The following N4BP2L2 variants were observed in gnomAD, a reference collection of about 807,000 sequenced individuals.
N4BP2L2 encodes the protein NEDD4 binding protein 2 like 2.
Under a neutral mutation model 56.2 loss-of-function variants are expected in N4BP2L2, and 50 were observed. That is an observed-to-expected ratio of 0.89 (90% CI 0.71 to 1.13). The LOEUF is 1.13. Among genes scored for constraint, N4BP2L2 ranks in the 50% most tolerant of loss-of-function variants. N4BP2L2 has a pLI of 0.00. For synonymous variants in N4BP2L2, 203 were observed against 223.6 expected (o/e 0.91, Z 0.82); for missense variants, 689 against 693.8 (o/e 0.99, Z 0.08).
chr13:32,455,975 C>G (rs1330243005), intron 6 of N4BP2L2, among the ~76,000 whole-genome samples: 2 of 152,216 alleles, frequency 1.3e-5, no homozygotes, highest in Non-Finnish European at 2.9e-5. Context: ...TGCCATCACC[C>G]AAACAAGCAC....
chr13:32,510,687 C>CA (rs1450200856), exon 6 of N4BP2L2: 1 of 152,018 alleles, frequency 6.6e-6, no homozygotes, highest in African/African-American at 2.4e-5. Context: ...TTAGTAAAGA[C>CA]AGGGTTTCAC....
At chr13:32,443,583 G>A (rs2076635117) in exon 7 of N4BP2L2, 2 of 1,611,524 alleles carry the variant, frequency 1.2e-6, no homozygotes, top group Non-Finnish European at 1.7e-6. Flanking sequence ...TCATAAATAA[G>A]CATGAAGTTT....
At chr13:32,472,186 C>A (rs1389547903) in intron 6 of N4BP2L2, among the ~76,000 whole-genome samples, 1 of 152,204 alleles carries the variant, frequency 6.6e-6, no homozygotes, top group Non-Finnish European at 1.5e-5. Context: ...CTGTTCACAT[C>A]ACAAGTGACC....
chr13:32,533,436 T>C (rs1185341970), intron 2 of N4BP2L2, among the ~76,000 whole-genome samples: 1 of 152,024 alleles, frequency 6.6e-6, no homozygotes, highest in Non-Finnish European at 1.5e-5. Flanking sequence ...AGAAGGGGAC[T>C]TGAACACTAC....
intron 3 of N4BP2L2, among the ~76,000 whole-genome samples, chr13:32,526,333 A>G (rs1356176669): frequency 1.3e-5 from 2 of 152,212 alleles, no homozygotes. Context: ...TTTTCGAACA[A>G]CAGAGGAGAT....
At chr13:32,537,277 T>G (rs146600343) in intron 1 of N4BP2L2, among the ~76,000 whole-genome samples, 1,530 of 151,970 alleles carry the variant, frequency 0.01, 11 homozygotes, top group African/African-American at 0.026. Flanking sequence ...TATACATATA[T>G]ATCTCTCTCA....
chr13:32,452,250 G>A (rs931037578), intron 6 of N4BP2L2, among the ~76,000 whole-genome samples: 10 of 151,914 alleles, frequency 6.6e-5, no homozygotes, highest in Admixed American at 3.3e-4. Flanking sequence ...CAGTAGAGAC[G>A]GGGTTTCTCT....
intron 6 of N4BP2L2, among the ~76,000 whole-genome samples, chr13:32,456,009 A>G (rs2078923295): frequency 6.6e-6 from 1 of 152,200 alleles, no homozygotes; most frequent in African/African-American, 2.4e-5. Flanking sequence ...CCAAGAACCT[A>G]TCCCCCTACC....
chr13:32,448,987 G>GGAAAATACCCCTCCTTGCAAAGTTGTTGT (rs1408104086), intron 6 of N4BP2L2, among the ~76,000 whole-genome samples: 4 of 152,088 alleles, frequency 2.6e-5, no homozygotes, highest in Non-Finnish European at 4.4e-5. Context: ...TCCAAAATGA[G>GGAAAATACCCCTCCTTGCAAAGTTGTTGT]GAAAATACCC....
At chr13:32,442,890 C>G (rs554611512) in exon 7 of N4BP2L2, 1 of 1,612,822 alleles carries the variant, frequency 6.2e-7, no homozygotes, top group South Asian at 1.1e-5. Context: ...GATCAAAGGT[C>G]ATAAGTTTTT....
chr13:32,433,753 C>T (rs982714447), intron 9 of N4BP2L2, among the ~76,000 whole-genome samples: 31 of 151,158 alleles, frequency 2.1e-4, no homozygotes, highest in Admixed American at 1.5e-3. Context: ...GGTGAAACCC[C>T]GTCTCTACTA....
intron 6 of N4BP2L2, among the ~76,000 whole-genome samples, chr13:32,504,319 G>A (rs1051071597): frequency 1.3e-5 from 2 of 152,162 alleles, no homozygotes; most frequent in African/African-American, 2.4e-5. Context: ...CACTTCTGAA[G>A]GCTAGATGTC....
chr13:32,432,863 G>T (rs543645693), exon 10 of N4BP2L2: 1 of 152,140 alleles, frequency 6.6e-6, no homozygotes, highest in African/African-American at 2.4e-5. Context: ...ACTAATTTTG[G>T]TATCCAACGG....
intron 6 of N4BP2L2, among the ~76,000 whole-genome samples, chr13:32,500,711 G>A (rs913691080): frequency 2.7e-5 from 4 of 147,900 alleles, no homozygotes; most frequent in East Asian, 2.1e-4. Flanking sequence ...GACGGAAACC[G>A]TGTCTCAAAA....
At chr13:32,486,036 C>T (rs957494700) in intron 6 of N4BP2L2, among the ~76,000 whole-genome samples, 1 of 152,178 alleles carries the variant, frequency 6.6e-6, no homozygotes, top group Non-Finnish European at 1.5e-5. Flanking sequence ...TGCCACTGCA[C>T]TCCAGCCTGG....
chr13:32,532,547 C>T (rs766849499), intron 2 of N4BP2L2, among the ~76,000 whole-genome samples: 1 of 145,142 alleles, frequency 6.9e-6, no homozygotes, highest in African/African-American at 2.5e-5. Flanking sequence ...ATATTAAATT[C>T]TTTTATATGT....
intron 6 of N4BP2L2, among the ~76,000 whole-genome samples, chr13:32,465,865 G>T (rs1323723352): frequency 2.0e-5 from 3 of 152,104 alleles, no homozygotes; most frequent in Non-Finnish European, 4.4e-5. Context: ...TGTTGGTCAG[G>T]CTGGTCTCGA....
chr13:32,495,394 TTC>T (rs1165525867), intron 6 of N4BP2L2, among the ~76,000 whole-genome samples: 1 of 152,116 alleles, frequency 6.6e-6, no homozygotes, highest in Non-Finnish European at 1.5e-5. Flanking sequence ...CCAGCCTCTA[TTC>T]TGTTTAGTAC....
rs557894076 is a variant in N4BP2L2 at position 32,443,215 on chromosome 13, TTGTC to T, written c.1273_1276del (p.Asp425AsnfsTer3). ...AAAATCTTCATTTCCTATCAGTAGT[TTGTC>T]TGTCAATATTTCTGGATTGTTTCCT... On this transcript the variant is annotated frameshift_variant, in exon 7 of 10. Coordinates refer to the N4BP2L2 transcript ENST00000357505. LOFTEE classifies it high-confidence loss of function. 2.4e-4 allele frequency: 393 copies of T among 1,613,962 alleles called. 2 individuals carry two copies. The African/African-American group carries it at 4.5e-3, about 18-fold the overall frequency.
Sources: allele counts gnomAD v4.1 joint callset (sites outside exome capture counted in the v4.1 genomes callset), GRCh38; gene constraint gnomAD v4.1.1; transcripts MANE v1.5; gene names NCBI Gene and HGNC (gene_info 2026-07-23, HGNC 2026-07-21).